Variants in FNBP1L observed in about 807,000 individuals in gnomAD.
FNBP1L encodes the protein formin binding protein 1 like.
In FNBP1L, 36 loss-of-function variants were observed where a neutral mutation model predicts 91.2. The observed-to-expected ratio is 0.39, with a 90% CI of 0.30 to 0.52. FNBP1L has a LOEUF of 0.52. FNBP1L is among the 20% of genes least tolerant of loss of function. The pLI is 0.66. For synonymous variants in FNBP1L, 242 were observed against 237.0 expected, an observed-to-expected ratio of 1.02 and a Z score of -0.19; for missense variants, 571 against 732.1, an observed-to-expected ratio of 0.78 and a Z score of 2.54.
At chr1:93,529,577 C>A in intron 5 of FNBP1L, 75 bp from the exon 6 acceptor site, 1 of 876,078 alleles carries the variant, frequency 1.1e-6, no homozygotes, top group Non-Finnish European at 1.7e-6. Context: ...TCTCCTAATG[C>A]TCTCTAAAGT....
At chr1:93,513,784 C>T (rs1396494033) in intron 2 of FNBP1L, among the ~76,000 whole-genome samples, 1 of 152,186 alleles carries the variant, frequency 6.6e-6, no homozygotes, top group African/African-American at 2.4e-5. Context: ...ATAATAAGAG[C>T]TATCTACAAC....
At chr1:93,514,132 A>G (rs969029535) in intron 2 of FNBP1L, among the ~76,000 whole-genome samples, 5 of 152,194 alleles carry the variant, frequency 3.3e-5, no homozygotes, top group African/African-American at 1.2e-4. Context: ...AACAACAGAC[A>G]GAGAGCCAAA....
At chr1:93,483,918 A>G (rs1310175220) in intron 1 of FNBP1L, among the ~76,000 whole-genome samples, 1 of 152,150 alleles carries the variant, frequency 6.6e-6, no homozygotes, top group Non-Finnish European at 1.5e-5. Context: ...CTGTTTCTTA[A>G]CTCTGTTACT....
intron 2 of FNBP1L, among the ~76,000 whole-genome samples, chr1:93,505,888 A>G (rs530838372): frequency 1.3e-5 from 2 of 152,164 alleles, no homozygotes; most frequent in African/African-American, 4.8e-5. Context: ...CATATTGACC[A>G]GGCTGGTCTC....
chr1:93,480,140 C>T (rs536697244), intron 1 of FNBP1L, among the ~76,000 whole-genome samples: 1 of 152,294 alleles, frequency 6.6e-6, no homozygotes, highest in African/African-American at 2.4e-5. Flanking sequence ...GGGTCCCTGA[C>T]TTCCCACAAC....
chr1:93,473,914 G>C (rs182540086), intron 1 of FNBP1L, among the ~76,000 whole-genome samples: 2 of 152,056 alleles, frequency 1.3e-5, no homozygotes, highest in Admixed American at 6.6e-5. Flanking sequence ...GCTGCGTGAC[G>C]GGATCTATGG....
chr1:93,485,253 T>C (rs1669860473), intron 1 of FNBP1L, among the ~76,000 whole-genome samples: 2 of 152,146 alleles, frequency 1.3e-5, no homozygotes, highest in South Asian at 2.1e-4. Context: ...ATGGCTCATA[T>C]ACTACACAGA....
chr1:93,498,442 G>A (rs1332520312), intron 1 of FNBP1L, among the ~76,000 whole-genome samples: 2 of 152,142 alleles, frequency 1.3e-5, no homozygotes, highest in East Asian at 1.9e-4. Flanking sequence ...AGAAAGTTTC[G>A]TGGAAGAATA....
intron 1 of FNBP1L, among the ~76,000 whole-genome samples, chr1:93,480,018 G>A (rs1316139101): frequency 6.6e-6 from 1 of 152,164 alleles, no homozygotes; most frequent in Admixed American, 6.5e-5. Context: ...AGAGATTGAA[G>A]TAAAGACAGG....
chr1:93,549,447 T>A, intron 15 of FNBP1L, 21 bp downstream of exon 15: 2 of 1,521,276 alleles, frequency 1.3e-6, no homozygotes, highest in Non-Finnish European at 8.8e-7. Context: ...CTTAATAATA[T>A]TGTATGTAAA....
chr1:93,540,820 T>G (rs1372760311), intron 10 of FNBP1L, among the ~76,000 whole-genome samples: 1 of 149,534 alleles, frequency 6.7e-6, no homozygotes, highest in Non-Finnish European at 1.5e-5. Flanking sequence ...ATAGAAAATA[T>G]CTGCCCATTA....
At chr1:93,546,046 C>T (rs910612484) in intron 12 of FNBP1L, among the ~76,000 whole-genome samples, 9 of 151,968 alleles carry the variant, frequency 5.9e-5, no homozygotes, top group African/African-American at 1.9e-4. Context: ...TGAAAATCAT[C>T]TGAAGATGGA....
At chr1:93,462,638 G>A (rs903758579) in intron 1 of FNBP1L, among the ~76,000 whole-genome samples, 4 of 152,092 alleles carry the variant, frequency 2.6e-5, no homozygotes, top group African/African-American at 9.7e-5. Context: ...CCCTCTATTG[G>A]AAAATGTCCG....
rs551192418 is a variant in FNBP1L, at chr1:93,478,384, G to C, written c.25-21084G>C. 1.3e-4 allele frequency among the ~76,000 whole-genome samples: 20 copies of C among 152,286 alleles called. No individual in the cohort carries two copies. The South Asian group carries it at 4.1e-3, about 32-fold the overall frequency. On this transcript the variant is annotated intron_variant, in intron 1 of 16. Coordinates refer to ENST00000271234, the MANE Select transcript of FNBP1L (RefSeq NM_001164473.3). ...GGTATCAGAGCATGAATGGGATAAG[G>C]AGGATGACCATTTGGGAGAGTAGAA...
Position 93,549,413 on chromosome 1 carries a change from C to G in FNBP1L, c.1638C>G (p.Ile546Met). 1 of 1,587,426 alleles carries G rather than the reference C, an allele frequency of 6.3e-7. No homozygotes were observed. Among genetic ancestry groups the G allele is most frequent in the South Asian group, 1.2e-5 (1 of 85,228 alleles). ...CTGCTATTGGACACTGCAAAGCTATCTACCCTTTTGATGGTATGATTTTCT... is the reference window on the plus strand; with the variant it reads ...CTGCTATTGGACACTGCAAAGCTATGTACCCTTTTGATGGTATGATTTTCT... ...PLPAIGHCKA[I>M]YPFDGHNEGT... Residue 546 changes from isoleucine (I) to methionine (M), a missense_variant, in exon 15 of 17, where the codon ATC (isoleucine) becomes ATG (methionine). Physicochemically the swap from Ile to Met is conservative, Grantham distance 10. Around this residue, in one of 5 missense-constraint regions of FNBP1L, gnomAD observed 189 missense variants for 219.7 expected, o/e 0.86. Transcript: ENST00000271234.
chr1:93,511,748 C>T (rs867511158), intron 2 of FNBP1L, among the ~76,000 whole-genome samples: 5 of 152,052 alleles, frequency 3.3e-5, no homozygotes, highest in South Asian at 4.2e-4. Flanking sequence ...GGGCGGATCA[C>T]GAGGTCAGGA....
intron 2 of FNBP1L, among the ~76,000 whole-genome samples, chr1:93,518,753 A>G (rs963398750): frequency 3.3e-5 from 5 of 152,206 alleles, no homozygotes; most frequent in Admixed American, 6.5e-5. Context: ...TAAAGTCTAC[A>G]CTTGAGTGTT....
At chr1:93,458,070 G>A (rs1668731437) in intron 1 of FNBP1L, among the ~76,000 whole-genome samples, 1 of 152,074 alleles carries the variant, frequency 6.6e-6, no homozygotes, top group African/African-American at 2.4e-5. Flanking sequence ...GATTACAGGC[G>A]TGAGCCACGA....
chr1:93,535,140 A>G (rs756176007), intron 9 of FNBP1L, among the ~76,000 whole-genome samples: 8 of 152,150 alleles, frequency 5.3e-5, no homozygotes, highest in East Asian at 3.8e-4. Context: ...AGTTGTTAAT[A>G]TCTAGTTAAG....
Sources: gnomAD v4.1 joint callset for allele counts (sites outside exome capture counted in the v4.1 genomes callset) on GRCh38, gnomAD v4.1.1 for gene constraint, gnomAD v4.1.1 regional missense constraint, MANE v1.5 for transcripts, NCBI Gene and HGNC (gene_info 2026-07-23, HGNC 2026-07-21) for gene names.